The following SEL1L3 variants were observed in gnomAD, a reference collection of about 807,000 sequenced individuals.
The protein encoded by SEL1L3 is SEL1L family member 3.
Under a neutral mutation model 142.8 loss-of-function variants are expected in SEL1L3, and 76 were observed. The observed-to-expected ratio is 0.53, with a 90% CI of 0.44 to 0.64. The LOEUF is 0.64. SEL1L3 is among the 30% of genes least tolerant of loss of function. The pLI is 0.00. For missense variants in SEL1L3, 1,262 were observed against 1,381.7 expected (o/e 0.91, Z 1.37); for synonymous variants, 504 against 519.6 (o/e 0.97, Z 0.41).
chr4:25,762,105 C>T (rs563673300), intron 20 of SEL1L3, among the ~76,000 whole-genome samples: 3 of 152,308 alleles, frequency 2.0e-5, no homozygotes, highest in South Asian at 2.1e-4. Flanking sequence ...TGCACCACCA[C>T]GCCCAGCTAA....
chr4:25,830,162 A>G lies in SEL1L3; in HGVS notation c.1099-6T>C. On this transcript the variant is annotated splice_polypyrimidine_tract_variant and splice_region_variant and intron_variant, in intron 5 of 23. Transcript: ENST00000399878. ...ATGCTAGTGGTTACTACTATCTATGATGGGAGGGATACACAAGAATCAGTT... is the reference window on the plus strand; with the variant it reads ...ATGCTAGTGGTTACTACTATCTATGGTGGGAGGGATACACAAGAATCAGTT... 1 of 1,590,748 alleles carries G rather than the reference A, an allele frequency of 6.3e-7. No homozygotes were observed. The highest frequency in any genetic ancestry group is 8.6e-7 in the Non-Finnish European group (1 of 1,159,150).
Position 25,818,172 on chromosome 4 carries a change from C to A in SEL1L3, c.1530G>T (p.Leu510Phe). The change falls in exon 9 of 24, where the codon TTG becomes TTT. Residue 510 changes from leucine to phenylalanine, a missense_variant. Coordinates refer to ENST00000399878, the MANE Select transcript of SEL1L3 (RefSeq NM_015187.5). Reference sequence around the variant, plus strand: ...GATCCATCTCCAGCAATGCCTGGAACAAGCTGGGGTGTTTGTCTTTCAGCT... The same window carrying A: ...GATCCATCTCCAGCAATGCCTGGAAAAAGCTGGGGTGTTTGTCTTTCAGCT... The part of the protein sequence containing the change: ...EKELKDKHPS[L>F]FQALLEMDLL... 6.2e-7 allele frequency: 1 copy of A among 1,611,192 alleles called. No individual in the cohort carries two copies. Among genetic ancestry groups the A allele is most frequent in the African/African-American group, 1.3e-5 (1 of 75,024 alleles).
chr4:25,812,393 G>A (rs931943208), intron 9 of SEL1L3, among the ~76,000 whole-genome samples: 4 of 152,132 alleles, frequency 2.6e-5, no homozygotes, highest in African/African-American at 2.4e-5. Flanking sequence ...AATGACTGTC[G>A]ACTTTCCTGA....
the SEL1L3 span, among the ~76,000 whole-genome samples, chr4:25,732,526 A>G: frequency 6.6e-6 from 1 of 152,160 alleles, no homozygotes; most frequent in Non-Finnish European, 1.5e-5. Flanking sequence ...AACTTTAGCT[A>G]TGATAATGGA....
At chr4:25,759,686 T>C (rs911220742) in intron 20 of SEL1L3, 5 of 153,412 alleles carry the variant, frequency 3.3e-5, no homozygotes, top group Admixed American at 1.9e-4. Flanking sequence ...ACCTGTCTTA[T>C]TGGGCTGTAC....
intron 9 of SEL1L3, among the ~76,000 whole-genome samples, chr4:25,815,296 C>G (rs1039844256): frequency 3.3e-5 from 5 of 152,108 alleles, no homozygotes; most frequent in Admixed American, 3.3e-4. Context: ...ATGGGGGCCC[C>G]AGAAGTCTAA....
chr4:25,784,309 C>A lies in SEL1L3; in HGVS notation c.2218-19G>T, dbSNP rs748097792. The A allele has an allele frequency of 1.9e-6, 3 of 1,603,456 alleles. No homozygotes were observed. Among genetic ancestry groups the A allele is most frequent in the East Asian group, 2.2e-5 (1 of 44,844 alleles). On this transcript the variant is annotated intron_variant, in intron 13 of 23. Transcript: ENST00000399878. ...CTTGACCCTAAACATTGATAAACAG[C>A]GATGATTACAAAGAAAATACAACCA...
chr4:25,826,619 G>A (rs1314253124), intron 6 of SEL1L3, among the ~76,000 whole-genome samples: 2 of 152,126 alleles, frequency 1.3e-5, no homozygotes, highest in African/African-American at 2.4e-5. Flanking sequence ...GGCAGCTGGG[G>A]TGGTGGGGAG....
chr4:25,823,607 A>G (rs1252927063), intron 6 of SEL1L3, among the ~76,000 whole-genome samples: 3 of 152,150 alleles, frequency 2.0e-5, no homozygotes, highest in Middle Eastern at 3.2e-3. Flanking sequence ...AATAGATCAC[A>G]GCATATGTGT....
intron 13 of SEL1L3, among the ~76,000 whole-genome samples, chr4:25,787,681 C>G (rs1480665650): frequency 1.3e-5 from 2 of 152,184 alleles, no homozygotes; most frequent in African/African-American, 2.4e-5. Flanking sequence ...GTCCTATTAT[C>G]TCACTCAATT....
downstream of SEL1L3, among the ~76,000 whole-genome samples, chr4:25,744,854 C>T (rs1427639550): frequency 2.0e-5 from 3 of 152,214 alleles, no homozygotes; most frequent in Admixed American, 6.5e-5. Context: ...CGGCCATCTA[C>T]AAGCCAAGGA....
In SEL1L3 at chr4:25,862,671, T is replaced by C. The variant is rs1717809023; in HGVS notation, c.162+4A>G. On this transcript the variant is annotated splice_donor_region_variant and intron_variant, in intron 1 of 23. Transcript: ENST00000399878. ...GGAAGACCCGGGCAGGGTCCGGCGC[T>C]CACCAGGTAGCAGAGCAGGAGCAGC... The C allele has an allele frequency of 7.8e-7, 1 of 1,283,790 alleles. No individual in the cohort carries two copies. Among genetic ancestry groups the C allele is most frequent in the Non-Finnish European group, 9.9e-7 (1 of 1,013,564 alleles). The allele number at this position is 1,283,790 out of a possible 1,614,324, so 79.5% of individuals were successfully genotyped here.
chr4:25,806,322 C>T (rs897851017), intron 9 of SEL1L3, among the ~76,000 whole-genome samples: 7 of 151,822 alleles, frequency 4.6e-5, no homozygotes, highest in Non-Finnish European at 1.0e-4. Flanking sequence ...CAGGCTTGAG[C>T]CACCGCGCCC....
intron 19 of SEL1L3, among the ~76,000 whole-genome samples, chr4:25,766,944 G>C (rs997825579): frequency 2.0e-5 from 3 of 152,130 alleles, no homozygotes; most frequent in African/African-American, 7.2e-5. Context: ...CAAATGACTG[G>C]CCCAGAGAAT....
chr4:25,793,192 G>T (rs1456149225), intron 11 of SEL1L3, among the ~76,000 whole-genome samples: 3 of 152,188 alleles, frequency 2.0e-5, no homozygotes, highest in African/African-American at 7.2e-5. Flanking sequence ...CCGGCTGGTT[G>T]TGGGGCCCAC....
At chr4:25,781,688 T>C (rs1423124967) in intron 15 of SEL1L3, among the ~76,000 whole-genome samples, 5 of 152,316 alleles carry the variant, frequency 3.3e-5, no homozygotes, top group African/African-American at 1.2e-4. Context: ...CAGTCACTTG[T>C]CTGAAAAATG....
At chr4:25,732,403 A>G in the SEL1L3 span, among the ~76,000 whole-genome samples, 3 of 152,206 alleles carry the variant, frequency 2.0e-5, no homozygotes, top group African/African-American at 7.2e-5. Flanking sequence ...TATGAGTAAC[A>G]TTGAAGAAAC....
intron 23 of SEL1L3, among the ~76,000 whole-genome samples, chr4:25,753,962 C>T (rs569803916): frequency 4.7e-5 from 7 of 149,186 alleles, no homozygotes; most frequent in Non-Finnish European, 5.9e-5. Flanking sequence ...CCAGCCTGGG[C>T]GACAGTGAGA....
chr4:25,790,017 C>T (rs1712183827), intron 12 of SEL1L3, among the ~76,000 whole-genome samples: 2 of 152,190 alleles, frequency 1.3e-5, no homozygotes, highest in Non-Finnish European at 2.9e-5. Context: ...GTCTAATTTC[C>T]CCTGCACCCC....
Sources: allele counts gnomAD v4.1 joint callset (sites outside exome capture counted in the v4.1 genomes callset), GRCh38; gene constraint gnomAD v4.1.1; transcripts MANE v1.5; gene names NCBI Gene and HGNC (gene_info 2026-07-23, HGNC 2026-07-21).